Variants in PTPRD observed in about 807,000 individuals in gnomAD.
The protein encoded by PTPRD is receptor-type tyrosine-protein phosphatase delta.
A neutral mutation model predicts 214.5 loss-of-function variants in PTPRD; 34 were observed. That is an observed-to-expected ratio of 0.16 (90% CI 0.12 to 0.21). The LOEUF (loss-of-function observed/expected upper bound fraction) is 0.21, where lower values mean the gene tolerates loss of function less well. Ranked by LOEUF, PTPRD falls within the 10% of genes least tolerant of loss-of-function variation. The probability of loss-of-function intolerance (pLI) is 1.00; values close to 1 mark genes in which losing one functional copy is unlikely to be tolerated. For missense variants in PTPRD, 2,545 were observed against 2,398.7 expected, an observed-to-expected ratio of 1.06 and a Z score of -1.27; for synonymous variants, 1,128 against 845.7, an observed-to-expected ratio of 1.33 and a Z score of -5.79.
intron 11 of PTPRD, among the ~76,000 whole-genome samples, chr9:8,934,478 A>AT (rs2098979878): frequency 8.3e-4 from 7 of 8,476 alleles, no homozygotes; most frequent in Middle Eastern, 0.056. Flanking sequence ...TATATATATA[A>AT]ATATATATAT....
intron 32 of PTPRD, 127 bp downstream of exon 32, chr9:8,465,339 A>C (rs1177520540): frequency 2.5e-6 from 2 of 814,786 alleles, no homozygotes. Context: ...GCAGCCTGTT[A>C]TTACACTTAA....
rs1256737547 is a variant in PTPRD, at chr9:8,486,253, C to T, written c.2564G>A (p.Gly855Asp). 2 of 1,614,142 alleles carry T rather than the reference C, an allele frequency of 1.2e-6. No homozygotes were observed. ...CTTGCGGCCAAATTTTAGACGGTAG[C>T]CCTGAAGAGGTCCAAATGTGTCCAC... ...PPVDTFGPLQ[G>D]YRLKFGRKDM... The change falls in exon 28 of 46, where the codon GGC becomes GAC. Residue 855 changes from glycine (G) to aspartate (D), a missense_variant. By Grantham distance (94) the Gly-to-Asp change is moderately conservative. Coordinates refer to ENST00000381196, the MANE Select transcript of PTPRD (RefSeq NM_002839.4).
At chr9:8,432,690 C>T (rs1318416524) in intron 35 of PTPRD, among the ~76,000 whole-genome samples, 1 of 152,154 alleles carries the variant, frequency 6.6e-6, no homozygotes, top group Admixed American at 6.5e-5. Context: ...CAATTTTTCC[C>T]CACAAAATGT....
intron 8 of PTPRD, among the ~76,000 whole-genome samples, chr9:9,559,518 C>G (rs1439857071): frequency 6.6e-6 from 1 of 152,240 alleles, no homozygotes; most frequent in Non-Finnish European, 1.5e-5. Flanking sequence ...CTTGTGCCTA[C>G]TGAATAGGCT....
intron 3 of PTPRD, among the ~76,000 whole-genome samples, chr9:10,144,253 A>G (rs1366197709): frequency 6.6e-6 from 1 of 152,144 alleles, no homozygotes; most frequent in African/African-American, 2.4e-5. Context: ...ATTTCAAAAA[A>G]TTCTTTAATA....
At position 10,605,520 on chromosome 9, in the gene PTPRD, A is replaced by C. The variant is rs564875739; in HGVS notation, c.-600+6878T>G. ...AGTGAGAAGATGATGAAGGGTGCCAAGAAATTCCAGTGGAAAACAGCATAG... is the reference window on the plus strand; with the variant it reads ...AGTGAGAAGATGATGAAGGGTGCCACGAAATTCCAGTGGAAAACAGCATAG... On this transcript the variant is annotated intron_variant, in intron 2 of 45. Coordinates refer to ENST00000381196, the MANE Select transcript of PTPRD (RefSeq NM_002839.4). 3.3e-5 allele frequency among the ~76,000 whole-genome samples: 5 copies of C among 151,970 alleles called. 1 individual carries two copies. Among genetic ancestry groups the C allele is most frequent in the African/African-American group, 1.2e-4 (5 of 41,512 alleles).
intron 7 of PTPRD, among the ~76,000 whole-genome samples, chr9:9,697,289 T>A (rs1163239528): frequency 6.6e-6 from 1 of 152,216 alleles, no homozygotes; most frequent in East Asian, 1.9e-4. Flanking sequence ...TAACTTCAAA[T>A]GTTTTCTCTT....
chr9:8,943,360 C>A (rs2154296558), intron 11 of PTPRD, among the ~76,000 whole-genome samples: 1 of 151,874 alleles, frequency 6.6e-6, no homozygotes, highest in Admixed American at 6.6e-5. Context: ...AATCAAATAA[C>A]CTGACTTCAA....
intron 10 of PTPRD, among the ~76,000 whole-genome samples, chr9:9,138,901 A>T (rs1243862219): frequency 6.6e-6 from 1 of 152,198 alleles, no homozygotes; most frequent in Non-Finnish European, 1.5e-5. Flanking sequence ...AATTAATGTT[A>T]TATTTGGTTA....
At chr9:8,602,768 A>C (rs999164329) in intron 14 of PTPRD, among the ~76,000 whole-genome samples, 3 of 152,220 alleles carry the variant, frequency 2.0e-5, no homozygotes, top group African/African-American at 7.2e-5. Flanking sequence ...AAATAAATGA[A>C]TATGGATGCA....
chr9:9,526,618 C>T (rs895047910), intron 8 of PTPRD, among the ~76,000 whole-genome samples: 2 of 152,044 alleles, frequency 1.3e-5, no homozygotes, highest in East Asian at 3.9e-4. Flanking sequence ...TTGGACATAA[C>T]TTTAATGCCA....
chr9:10,171,563 C>G (rs940374365), intron 3 of PTPRD, among the ~76,000 whole-genome samples: 2 of 152,296 alleles, frequency 1.3e-5, no homozygotes, highest in East Asian at 3.9e-4. Context: ...CTCGCTCTGT[C>G]TCCCAGCCTG....
At chr9:9,495,641 G>T (rs964045341) in intron 8 of PTPRD, among the ~76,000 whole-genome samples, 1 of 151,922 alleles carries the variant, frequency 6.6e-6, no homozygotes, top group East Asian at 1.9e-4. Context: ...TCCCATCCCC[G>T]CCCCGACTCC....
rs550768308 is a variant in PTPRD at position 8,511,043 on chromosome 9, C to T, written c.1544-3609G>A. On this transcript the variant is annotated intron_variant, in intron 21 of 45. Coordinates refer to ENST00000381196, the MANE Select transcript of PTPRD (RefSeq NM_002839.4). ...GTATTTATACATATAAATGTATAAA[C>T]GTAAATATTTACCTACATTTTATTT... Among the ~76,000 whole-genome samples the T allele has an allele frequency of 6.6e-5, 10 of 151,768 alleles. 2 individuals are homozygous for T. The East Asian group carries it at 1.2e-3, about 18-fold the overall frequency.
chr9:9,656,952 C>T (rs1384163311), intron 7 of PTPRD, among the ~76,000 whole-genome samples: 1 of 151,820 alleles, frequency 6.6e-6, no homozygotes, highest in African/African-American at 2.4e-5. Context: ...AATGTAAAGT[C>T]TACATATTTA....
chr9:10,362,508 A>G (rs1419624823), intron 2 of PTPRD, among the ~76,000 whole-genome samples: 1 of 152,112 alleles, frequency 6.6e-6, no homozygotes, highest in African/African-American at 2.4e-5. Context: ...AGAGAAGTCT[A>G]CTTCTTGAAA....
chr9:9,236,439 T>A (rs2099966787), intron 9 of PTPRD, among the ~76,000 whole-genome samples: 1 of 151,862 alleles, frequency 6.6e-6, no homozygotes, highest in African/African-American at 2.4e-5. Flanking sequence ...GAAACAAAGT[T>A]AAAATTCAAA....
chr9:10,103,364 T>G (rs1444516639), intron 3 of PTPRD, among the ~76,000 whole-genome samples: 1 of 145,660 alleles, frequency 6.9e-6, no homozygotes, highest in African/African-American at 2.5e-5. Context: ...GTTATGACAT[T>G]TTAAACTGCA....
rs1252449069 is a variant in PTPRD at position 10,512,024 on chromosome 9, ATATATG to A, written c.-600+100368_-600+100373del. 8.3e-3 allele frequency among the ~76,000 whole-genome samples: 482 copies of A among 58,134 alleles called. 14 individuals are homozygous for A. The highest frequency in any genetic ancestry group is 0.042 in the African/African-American group (460 of 10,834). The allele number at this position is 58,134 out of a possible 152,430, so 38.1% of individuals were successfully genotyped here. A position where few individuals can be genotyped will look rare whatever the true frequency, so the allele number is the denominator to read the frequency against. ...TATATATATATACGTGTGTGTATAT[ATATATG>A]TATATATATATATACACACACGTAT... On this transcript the variant is annotated intron_variant, in intron 2 of 45. Transcript: ENST00000381196.
Sources: allele counts gnomAD v4.1 joint callset (sites outside exome capture counted in the v4.1 genomes callset), GRCh38; gene constraint gnomAD v4.1.1; transcripts MANE v1.5; gene names NCBI Gene and HGNC (gene_info 2026-07-23, HGNC 2026-07-21).